The following ALG14 variants were observed in gnomAD, a reference collection of about 807,000 sequenced individuals.
ALG14 encodes UDP-N-acetylglucosamine transferase subunit ALG14.
A neutral mutation model predicts 22.8 loss-of-function variants in ALG14; 17 were observed. The ratio of observed to expected loss-of-function variants is 0.75; its 90% CI spans 0.51 to 1.12. ALG14 has a LOEUF of 1.12. Ranked by LOEUF, ALG14 falls within the 50% of genes most tolerant of loss-of-function variation. The probability of loss-of-function intolerance (pLI) is 0.00; values close to 1 mark genes in which losing one functional copy is unlikely to be tolerated. For synonymous variants in ALG14, 89 were observed against 103.7 expected, an observed-to-expected ratio of 0.86 and a Z score of 0.86; for missense variants, 288 against 271.8, an observed-to-expected ratio of 1.06 and a Z score of -0.42.
chr1:94,995,483 C>CA (rs1244636518), intron 3 of ALG14, among the ~76,000 whole-genome samples: 1 of 152,194 alleles, frequency 6.6e-6, no homozygotes, highest in East Asian at 1.9e-4. Flanking sequence ...GAGGCCGAGG[C>CA]AGGCAGATCA....
intron 3 of ALG14, among the ~76,000 whole-genome samples, chr1:94,987,029 C>T (rs567557961): frequency 2.6e-5 from 4 of 152,164 alleles, no homozygotes; most frequent in South Asian, 4.2e-4. Flanking sequence ...CTGAGAAAGC[C>T]GCACATTTTC....
intron 3 of ALG14, among the ~76,000 whole-genome samples, chr1:95,007,614 T>C (rs1039675698): frequency 3.3e-5 from 5 of 152,252 alleles, no homozygotes; most frequent in Non-Finnish European, 7.3e-5. Context: ...TGACTGGCTA[T>C]TGCCAACATG....
At chr1:95,065,841 C>T (rs1306569983) in intron 1 of ALG14, among the ~76,000 whole-genome samples, 4 of 152,186 alleles carry the variant, frequency 2.6e-5, no homozygotes, top group East Asian at 1.9e-4. Context: ...AATTTTAATA[C>T]ATTAATTTTG....
At chr1:95,047,078 A>G (rs887195122) in intron 2 of ALG14, among the ~76,000 whole-genome samples, 1 of 152,244 alleles carries the variant, frequency 6.6e-6, no homozygotes, top group Non-Finnish European at 1.5e-5. Flanking sequence ...ATCAAGGTAC[A>G]GAATTAAATT....
chr1:95,011,403 G>A (rs1471711965), intron 3 of ALG14, among the ~76,000 whole-genome samples: 1 of 151,966 alleles, frequency 6.6e-6, no homozygotes, highest in Non-Finnish European at 1.5e-5. Context: ...CAGACTCCAG[G>A]ACTGTGAGAA....
chr1:94,980,793 A>G lies in ALG14; in HGVS notation c.*2283T>C, dbSNP rs1672478691. The G allele has an allele frequency of 6.6e-6, 1 of 152,256 alleles. No individual in the cohort carries two copies. The highest frequency in any genetic ancestry group is 2.4e-5 in the African/African-American group (1 of 41,470). The allele number at this position is 152,256 out of a possible 1,614,324, so 9.4% of individuals were successfully genotyped here. A position where few individuals can be genotyped will look rare whatever the true frequency, so the allele number is the denominator to read the frequency against. On this transcript the variant is annotated 3_prime_UTR_variant, in exon 4 of 4. Transcript: ENST00000370205. Reference sequence around the variant, plus strand: ...ACAGCAGCCTGAACCTATGAAAGATATAACATTTCTAAACTTTTGGTGATA... The same window carrying G: ...ACAGCAGCCTGAACCTATGAAAGATGTAACATTTCTAAACTTTTGGTGATA...
At chr1:95,059,000 A>G (rs61774266) in intron 2 of ALG14, among the ~76,000 whole-genome samples, 2,934 of 152,062 alleles carry the variant, frequency 0.019, 52 homozygotes, top group Non-Finnish European at 0.029. Flanking sequence ...GTTTTTGGCT[A>G]TATTTAGCCT....
intron 3 of ALG14, among the ~76,000 whole-genome samples, chr1:95,023,070 C>T (rs1673709466): frequency 6.6e-6 from 1 of 151,812 alleles, no homozygotes; most frequent in African/African-American, 2.4e-5. Context: ...CCACAGAAAA[C>T]ACCTAATCAA....
At chr1:95,057,197 G>A (rs1674965065) in intron 2 of ALG14, among the ~76,000 whole-genome samples, 1 of 151,006 alleles carries the variant, frequency 6.6e-6, no homozygotes, top group Admixed American at 6.6e-5. Context: ...TCTGTTATAT[G>A]GATATGGAAA....
At chr1:95,048,074 T>C (rs933860099) in intron 2 of ALG14, among the ~76,000 whole-genome samples, 5 of 152,222 alleles carry the variant, frequency 3.3e-5, no homozygotes, top group African/African-American at 1.2e-4. Flanking sequence ...CAGTTAATTA[T>C]GGGGCATATT....
Position 94,983,155 on chromosome 1 carries a change from A to C in ALG14, c.572T>G (p.Leu191Arg). 6.2e-7 allele frequency: 1 copy of C among 1,614,150 alleles called. No individual in the cohort carries two copies. Among genetic ancestry groups the C allele is most frequent in the Non-Finnish European group, 8.5e-7 (1 of 1,180,042 alleles). ...CCACTGAACAATGAAGTAATCTGAG[A>C]GATGAAACAGAATCTTTCCGGACAT... ...LSMSGKILFH[L>R]SDYFIVQWPA... is the part of the protein sequence containing the mutation. Residue 191 changes from leucine to arginine, a missense_variant, in exon 4 of 4, where the codon CTC (leucine) becomes CGC (arginine). Leu to Arg is a moderately radical substitution (Grantham distance 102). Transcript: ENST00000370205.
At chr1:94,993,092 G>C (rs954496163) in intron 3 of ALG14, among the ~76,000 whole-genome samples, 1 of 148,054 alleles carries the variant, frequency 6.8e-6, no homozygotes. Context: ...GCATGACTTA[G>C]CCTACCCTTC....
chr1:95,019,555 G>A (rs1673596400), intron 3 of ALG14, among the ~76,000 whole-genome samples: 1 of 152,186 alleles, frequency 6.6e-6, no homozygotes, highest in Non-Finnish European at 1.5e-5. Flanking sequence ...ATGTATCTTA[G>A]GGAAAATCAG....
At chr1:95,025,551 G>A (rs1048771630) in intron 3 of ALG14, among the ~76,000 whole-genome samples, 7 of 152,164 alleles carry the variant, frequency 4.6e-5, no homozygotes, top group African/African-American at 7.2e-5. Context: ...TGACATCGTC[G>A]AATATAAGGC....
chr1:95,060,375 C>T (rs948799591), intron 2 of ALG14, among the ~76,000 whole-genome samples: 3 of 152,096 alleles, frequency 2.0e-5, no homozygotes, highest in Non-Finnish European at 2.9e-5. Flanking sequence ...AACAGAGATG[C>T]TTAGTCCTAC....
chr1:95,005,308 G>A (rs1018784785), intron 3 of ALG14, among the ~76,000 whole-genome samples: 5 of 152,194 alleles, frequency 3.3e-5, no homozygotes, highest in Non-Finnish European at 5.9e-5. Flanking sequence ...GAGCCTGGAA[G>A]CAGAGACACA....
At chr1:95,015,905 C>T (rs1441551817) in intron 3 of ALG14, among the ~76,000 whole-genome samples, 1 of 152,160 alleles carries the variant, frequency 6.6e-6, no homozygotes, top group Non-Finnish European at 1.5e-5. Flanking sequence ...TTTATTAACT[C>T]CTTATTAGCC....
intron 3 of ALG14, among the ~76,000 whole-genome samples, chr1:95,021,958 C>T (rs948911666): frequency 9.2e-5 from 14 of 152,182 alleles, no homozygotes; most frequent in Admixed American, 5.2e-4. Flanking sequence ...AAGGAAGAGT[C>T]CCCACCAGCC....
At chr1:95,010,999 A>G (rs939920630) in intron 3 of ALG14, among the ~76,000 whole-genome samples, 6 of 152,230 alleles carry the variant, frequency 3.9e-5, no homozygotes, top group African/African-American at 1.4e-4. Flanking sequence ...TCCTGACCAT[A>G]TATTTAGAAT....
Sources: gnomAD v4.1 joint callset for allele counts (sites outside exome capture counted in the v4.1 genomes callset) on GRCh38, gnomAD v4.1.1 for gene constraint, MANE v1.5 for transcripts, NCBI Gene and HGNC (gene_info 2026-07-23, HGNC 2026-07-21) for gene names.